The following GATAD2A variants were observed in gnomAD, a reference collection of about 807,000 sequenced individuals.
GATAD2A encodes the protein transcriptional repressor p66-alpha.
GATAD2A carries 12 observed loss-of-function variants against 68.5 expected under a neutral mutation model. That is an observed-to-expected ratio of 0.18 (90% CI 0.11 to 0.28). GATAD2A has a LOEUF of 0.28. Among genes scored for constraint, GATAD2A ranks in the 10% least tolerant of loss-of-function variants. GATAD2A has a pLI of 1.00. For missense variants in GATAD2A, 755 were observed against 868.5 expected, an observed-to-expected ratio of 0.87 and a Z score of 1.64; for synonymous variants, 410 against 375.3, an observed-to-expected ratio of 1.09 and a Z score of -1.07.
At chr19:19,457,329 T>A in intron 1 of GATAD2A, 2 of 678,388 alleles carry the variant, frequency 2.9e-6, no homozygotes, top group Non-Finnish European at 3.6e-6. Context: ...AGGGCAAGTC[T>A]AGATTCAGTC....
At chr19:19,451,841 G>C (rs777326215) in intron 1 of GATAD2A, among the ~76,000 whole-genome samples, 17 of 152,204 alleles carry the variant, frequency 1.1e-4, no homozygotes, top group Non-Finnish European at 1.9e-4. Flanking sequence ...GCAGAAGAAA[G>C]ACTTTTTTTC....
chr19:19,458,804 G>A (rs1568304979), intron 1 of GATAD2A, among the ~76,000 whole-genome samples: 1 of 152,158 alleles, frequency 6.6e-6, no homozygotes, highest in Non-Finnish European at 1.5e-5. Flanking sequence ...ATGGGCAGTG[G>A]TATCCTCTCT....
intron 1 of GATAD2A, among the ~76,000 whole-genome samples, chr19:19,460,548 G>T (rs1296146456): frequency 6.6e-6 from 1 of 152,156 alleles, no homozygotes; most frequent in Non-Finnish European, 1.5e-5. Flanking sequence ...CTGCCCCCAG[G>T]TTCAGGGCTC....
At chr19:19,410,738 C>G (rs1375963069) in intron 1 of GATAD2A, among the ~76,000 whole-genome samples, 1 of 152,186 alleles carries the variant, frequency 6.6e-6, no homozygotes, top group Non-Finnish European at 1.5e-5. Flanking sequence ...TGCTGAGCAG[C>G]CTGTCTCTAG....
intron 1 of GATAD2A, among the ~76,000 whole-genome samples, chr19:19,419,931 C>T (rs2052142906): frequency 1.3e-5 from 2 of 151,494 alleles, no homozygotes; most frequent in South Asian, 4.2e-4. Flanking sequence ...TGAGCCTGGG[C>T]CTAGGAGGTG....
intron 2 of GATAD2A, among the ~76,000 whole-genome samples, chr19:19,477,390 C>T (rs1043574968): frequency 6.6e-6 from 1 of 152,268 alleles, no homozygotes; most frequent in Admixed American, 6.5e-5. Context: ...AGACTTGATG[C>T]CATGCAGAAT....
intron 7 of GATAD2A, 73 bp from the exon 8 acceptor site, chr19:19,498,370 G>T: frequency 7.0e-7 from 1 of 1,438,050 alleles, no homozygotes; most frequent in Non-Finnish European, 9.5e-7. Context: ...AGGACCTCGG[G>T]CTTCGGGGCG....
chr19:19,412,304 C>T (rs1480418216), intron 1 of GATAD2A, among the ~76,000 whole-genome samples: 3 of 151,744 alleles, frequency 2.0e-5, no homozygotes, highest in East Asian at 3.9e-4. Context: ...TACAGGTGCC[C>T]GCCACCACAC....
chr19:19,478,055 G>T (rs1331043450), intron 2 of GATAD2A, among the ~76,000 whole-genome samples: 17 of 152,136 alleles, frequency 1.1e-4, no homozygotes, highest in African/African-American at 2.4e-5. Context: ...GTATCTTTGG[G>T]GTGAATCCTA....
At chr19:19,427,951 T>G (rs1335157853) in intron 1 of GATAD2A, 1 of 152,244 alleles carries the variant, frequency 6.6e-6, no homozygotes, top group Non-Finnish European at 1.5e-5. Context: ...CCTCTCAAAG[T>G]GCTGGGACTA....
intron 1 of GATAD2A, among the ~76,000 whole-genome samples, chr19:19,461,758 G>T (rs899825160): frequency 6.6e-6 from 1 of 152,258 alleles, no homozygotes; most frequent in Non-Finnish European, 1.5e-5. Flanking sequence ...CTGCTCATCT[G>T]TGCTGGCTTG....
intron 1 of GATAD2A, among the ~76,000 whole-genome samples, chr19:19,396,125 A>G (rs949088487): frequency 1.3e-5 from 2 of 152,134 alleles, no homozygotes; most frequent in African/African-American, 4.8e-5. Context: ...GTTTGAGACC[A>G]GCCTGGCCAA....
intron 8 of GATAD2A, among the ~76,000 whole-genome samples, chr19:19,500,461 A>G (rs904881097): frequency 2.0e-5 from 3 of 152,172 alleles, no homozygotes; most frequent in Non-Finnish European, 4.4e-5. Flanking sequence ...AACACAAAAA[A>G]GGTCGGCACA....
chr19:19,442,824 A>G (rs1354181727), intron 1 of GATAD2A, among the ~76,000 whole-genome samples: 1 of 151,982 alleles, frequency 6.6e-6, no homozygotes, highest in Non-Finnish European at 1.5e-5. Context: ...AGGACAAGGA[A>G]GAAGCTCACT....
rs76005891 is a variant in GATAD2A at position 19,386,848 on chromosome 19, T to A, written c.-7+710T>A. Among the ~76,000 whole-genome samples, 935 of 152,180 alleles carry A rather than the reference T, an allele frequency of 6.1e-3. 10 individuals are homozygous for A. Among genetic ancestry groups the A allele is most frequent in the African/African-American group, 0.021 (858 of 41,550 alleles). ...CCTTCTTTGGGGATCCCCAACTCTTTGAGAATTCCCGCTTATCTGAGGGGA... is the reference window on the plus strand; with the variant it reads ...CCTTCTTTGGGGATCCCCAACTCTTAGAGAATTCCCGCTTATCTGAGGGGA... On this transcript the variant is annotated intron_variant, in intron 1 of 11. Coordinates refer to the GATAD2A transcript ENST00000360315.
intron 2 of GATAD2A, among the ~76,000 whole-genome samples, chr19:19,488,511 T>C (rs1474400368): frequency 6.6e-6 from 1 of 152,246 alleles, no homozygotes; most frequent in East Asian, 1.9e-4. Flanking sequence ...ACACTAAATA[T>C]TAACCACGTA....
intron 1 of GATAD2A, among the ~76,000 whole-genome samples, chr19:19,398,308 A>G (rs1309616656): frequency 1.3e-5 from 2 of 151,638 alleles, no homozygotes. Context: ...GGTTCAAGCA[A>G]TTCTCCTGCC....
chr19:19,491,404 C>T (rs1359202722), intron 2 of GATAD2A, among the ~76,000 whole-genome samples: 1 of 152,116 alleles, frequency 6.6e-6, no homozygotes, highest in Admixed American at 6.5e-5. Flanking sequence ...AAGTGAGCTC[C>T]CCAGACCGTG....
At chr19:19,435,285 G>A (rs746050134) in intron 1 of GATAD2A, 3 of 350,088 alleles carry the variant, frequency 8.6e-6, no homozygotes, top group Admixed American at 2.8e-5. Context: ...GCAGTGGTGT[G>A]GGATCTTGGC....
Sources: gnomAD v4.1 joint callset for allele counts (sites outside exome capture counted in the v4.1 genomes callset) on GRCh38, gnomAD v4.1.1 for gene constraint, MANE v1.5 for transcripts, NCBI Gene and HGNC (gene_info 2026-07-23, HGNC 2026-07-21) for gene names.